CMIP: variants seen among roughly 807,000 people sequenced by gnomAD.
The protein encoded by CMIP is C-Maf-inducing protein.
In CMIP, 13 loss-of-function variants were observed where a neutral mutation model predicts 97.3. The ratio of observed to expected loss-of-function variants is 0.13; its 90% CI spans 0.09 to 0.21. The LOEUF (loss-of-function observed/expected upper bound fraction) is 0.21, where lower values mean the gene tolerates loss of function less well. Among genes scored for constraint, CMIP ranks in the 10% least tolerant of loss-of-function variants. The pLI, the probability that CMIP is intolerant of heterozygous loss-of-function variation, is 1.00. For synonymous variants in CMIP, 538 were observed against 436.3 expected, an observed-to-expected ratio of 1.23 and a Z score of -2.91; for missense variants, 847 against 1,024.9, an observed-to-expected ratio of 0.83 and a Z score of 2.37.
At chr16:81,516,730 G>A (rs977310308) in intron 1 of CMIP, among the ~76,000 whole-genome samples, 1 of 152,238 alleles carries the variant, frequency 6.6e-6, no homozygotes, top group Non-Finnish European at 1.5e-5. Context: ...GCTGGCTAGT[G>A]TACCACTGTG....
intron 1 of CMIP, among the ~76,000 whole-genome samples, chr16:81,554,035 G>T (rs2090713282): frequency 6.6e-6 from 1 of 152,254 alleles, no homozygotes; most frequent in Admixed American, 6.5e-5. Context: ...AGGCTGCCCT[G>T]TGGTGGGCGG....
intron 1 of CMIP, among the ~76,000 whole-genome samples, chr16:81,501,965 A>G (rs1007904475): frequency 6.6e-6 from 1 of 152,214 alleles, no homozygotes; most frequent in African/African-American, 2.4e-5. Flanking sequence ...TGAAATGGCA[A>G]CAATCCTGGG....
chr16:81,660,186 G>A (rs1006649170), intron 5 of CMIP, among the ~76,000 whole-genome samples: 2 of 152,078 alleles, frequency 1.3e-5, no homozygotes, highest in East Asian at 1.9e-4. Context: ...GTTCAGAATC[G>A]AGTTCAGACC....
intron 1 of CMIP, among the ~76,000 whole-genome samples, chr16:81,478,476 CAT>C (rs1908065544): frequency 6.6e-6 from 1 of 152,138 alleles, no homozygotes; most frequent in Non-Finnish European, 1.5e-5. Context: ...GTCAGATGGA[CAT>C]GTGTCAGTCA....
intron 20 of CMIP, among the ~76,000 whole-genome samples, chr16:81,707,636 A>G (rs148952058): frequency 7.5e-4 from 115 of 152,386 alleles, no homozygotes; most frequent in South Asian, 2.1e-3. Flanking sequence ...CTGCACCGGC[A>G]CTAGGCCAGC....
At position 81,678,325 on chromosome 16, in the gene CMIP, C is replaced by T. The variant is rs760254009; in HGVS notation, c.1085C>T (p.Pro362Leu). 16 of 1,610,362 alleles carry T rather than the reference C, an allele frequency of 9.9e-6. No homozygotes were observed. In the Admixed American group the frequency reaches 1.3e-4, roughly 13 times the overall value. ...GAAATCCGGAACGGCTGCCAGCAGC[C>T]GTGCGACCGGAAGCCCACTTTACCT... The part of the protein sequence containing the change: ...LKEIRNGCQQ[P>L]CDRKPTLPLR... The change falls in exon 10 of 21, where the codon CCG becomes CTG. Residue 362 changes from proline to leucine, a missense_variant. Transcript: ENST00000537098.
At chr16:81,516,519 G>T (rs1401515997) in intron 1 of CMIP, among the ~76,000 whole-genome samples, 2 of 152,176 alleles carry the variant, frequency 1.3e-5, no homozygotes, top group Admixed American at 1.3e-4. Context: ...ACACTCTCAT[G>T]CTCTTGCTCT....
At chr16:81,632,347 G>A (rs1476049375) in intron 3 of CMIP, among the ~76,000 whole-genome samples, 2 of 152,204 alleles carry the variant, frequency 1.3e-5, no homozygotes, top group African/African-American at 2.4e-5. Flanking sequence ...GCAGCTGCAC[G>A]GGGCTTCTCA....
chr16:81,581,226 C>T (rs1597112829), intron 1 of CMIP, among the ~76,000 whole-genome samples: 5 of 152,138 alleles, frequency 3.3e-5, no homozygotes, highest in Non-Finnish European at 1.5e-5. Flanking sequence ...CGTGAATAAG[C>T]GGCCGTGAGC....
At chr16:81,684,077 A>G (rs1299732692) in intron 10 of CMIP, among the ~76,000 whole-genome samples, 5 of 152,112 alleles carry the variant, frequency 3.3e-5, no homozygotes, top group African/African-American at 7.2e-5. Flanking sequence ...GAAACTTTAA[A>G]CTGCTCATTC....
intron 1 of CMIP, among the ~76,000 whole-genome samples, chr16:81,458,748 A>T (rs1206392418): frequency 6.6e-6 from 1 of 152,186 alleles, no homozygotes; most frequent in African/African-American, 2.4e-5. Flanking sequence ...CAGACATTTC[A>T]TATGAGGCCA....
At chr16:81,576,584 T>C (rs2091192901) in intron 1 of CMIP, among the ~76,000 whole-genome samples, 1 of 152,126 alleles carries the variant, frequency 6.6e-6, no homozygotes, top group Non-Finnish European at 1.5e-5. Flanking sequence ...AGTAGGTTGC[T>C]CAGGGATACG....
intron 1 of CMIP, among the ~76,000 whole-genome samples, chr16:81,564,943 G>T (rs2090952419): frequency 6.6e-6 from 1 of 152,050 alleles, no homozygotes; most frequent in Non-Finnish European, 1.5e-5. Flanking sequence ...TATGCAGGTG[G>T]GAGGCATGAA....
chr16:81,452,217 C>T (rs1391903570), intron 1 of CMIP, among the ~76,000 whole-genome samples: 1 of 152,146 alleles, frequency 6.6e-6, no homozygotes, highest in African/African-American at 2.4e-5. Flanking sequence ...AGGACCTGGA[C>T]TTTGAAATCA....
At chr16:81,659,986 G>T (rs771253030) in intron 5 of CMIP, among the ~76,000 whole-genome samples, 3 of 152,122 alleles carry the variant, frequency 2.0e-5, no homozygotes, top group Non-Finnish European at 2.9e-5. Context: ...GTCTTCTTTG[G>T]ACATGCTTGG....
At chr16:81,660,731 C>A (rs201336306) in intron 5 of CMIP, among the ~76,000 whole-genome samples, 153 bp from the exon 6 acceptor site, 1 of 151,194 alleles carries the variant, frequency 6.6e-6, no homozygotes, top group Non-Finnish European at 1.5e-5. Flanking sequence ...TTTTTCTTTT[C>A]TTTTTTTTTC....
Position 81,627,589 on chromosome 16 carries a change from C to T in CMIP, c.477+6663C>T, listed in dbSNP as rs1828298586. Among the ~76,000 whole-genome samples, 1 of 152,070 alleles carries T rather than the reference C, an allele frequency of 6.6e-6. No individual in the cohort carries two copies. Among genetic ancestry groups the T allele is most frequent in the East Asian group, 1.9e-4 (1 of 5,170 alleles). On this transcript the variant is annotated intron_variant, in intron 3 of 20. Coordinates refer to ENST00000537098, the MANE Select transcript of CMIP (RefSeq NM_198390.3). The surrounding 1 kb of genome is among the most constrained non-coding windows in gnomAD (Gnocchi z 4.6). ...GGGAAGCCCGCCCTCGAGACTGTCT[C>T]TGCCCGGCTCTGGCCACGGAGTGTC...
At chr16:81,646,485 G>C (rs996017442) in intron 3 of CMIP, among the ~76,000 whole-genome samples, 1 of 152,150 alleles carries the variant, frequency 6.6e-6, no homozygotes, top group Non-Finnish European at 1.5e-5. Context: ...TAGCATTATT[G>C]AAATGGAATC....
intron 1 of CMIP, among the ~76,000 whole-genome samples, chr16:81,447,639 T>C (rs948719255): frequency 1.3e-5 from 2 of 152,212 alleles, no homozygotes; most frequent in African/African-American, 4.8e-5. Context: ...AGCCATGCTC[T>C]GGTGTTAGGA....
Sources: allele counts gnomAD v4.1 joint callset (sites outside exome capture counted in the v4.1 genomes callset), GRCh38; gene constraint gnomAD v4.1.1; non-coding constraint Gnocchi (gnomAD v3.1); transcripts MANE v1.5; gene names NCBI Gene and HGNC (gene_info 2026-07-23, HGNC 2026-07-21).